The following ZNF12 variants were observed in gnomAD, a reference collection of about 807,000 sequenced individuals.
The protein encoded by ZNF12 is gonadotropin inducible transcription repressor 3.
Under a neutral mutation model 66.6 loss-of-function variants are expected in ZNF12, and 34 were observed. That is an observed-to-expected ratio of 0.51 (90% CI 0.39 to 0.68). The LOEUF (loss-of-function observed/expected upper bound fraction) is 0.68. Ranked by LOEUF, ZNF12 falls within the 30% of genes least tolerant of loss-of-function variation. ZNF12 has a pLI of 0.00. For missense variants in ZNF12, 697 were observed against 826.9 expected (o/e 0.84, Z 1.93); for synonymous variants, 320 against 278.9 (o/e 1.15, Z -1.47).
chr7:6,691,607 G>T lies in ZNF12; in HGVS notation c.1335C>A (p.Phe445Leu), dbSNP rs1194195300. The stretch of plus-strand genomic sequence containing the variant: ...CAGTGAGATATGACAACCGAGAGAA[G>T]AATTTTCCACACTCATTACATTCAT... ...KPYECNECGKFFSRLSYLTVH... is the reference protein window; with the variant it reads ...KPYECNECGKLFSRLSYLTVH... Residue 445 changes from phenylalanine (F) to leucine (L), a missense_variant, in exon 5 of 5, where the codon TTC becomes TTA. Around this residue, in one of 3 missense-constraint regions of ZNF12, gnomAD observed 401 missense variants for 519.0 expected, o/e 0.77. Transcript: ENST00000405858. The T allele has an allele frequency of 1.9e-6, 3 of 1,613,898 alleles. No homozygotes were observed. Among genetic ancestry groups the T allele is most frequent in the East Asian group, 2.2e-5 (1 of 44,896 alleles).
chr7:6,705,269 T>C lies in ZNF12; in HGVS notation c.-50-46A>G, dbSNP rs747510151. ...CCATGGCGTTATGAGCGGTCTGGCC[T>C]GCCAAGGCGGTCATCTCCCGCCCAA... On this transcript the variant is annotated intron_variant, in intron 1 of 4. Transcript: ENST00000405858. This position sits in a 1 kb window ranked among gnomAD's most constrained non-coding sequence, Gnocchi z 4.0. 1.3e-6 allele frequency: 2 copies of C among 1,508,644 alleles called. No homozygotes were observed. Among genetic ancestry groups the C allele is most frequent in the African/African-American group, 2.8e-5 (2 of 72,670 alleles). 93.5% of individuals were successfully genotyped at this position (1,508,644 alleles called of 1,614,324 possible).
chr7:6,703,566 G>A (rs909215894), intron 2 of ZNF12, among the ~76,000 whole-genome samples: 2 of 152,162 alleles, frequency 1.3e-5, no homozygotes, highest in Admixed American at 6.5e-5. Context: ...GAAGGCATAG[G>A]TGGGGGGGCT....
chr7:6,704,740 C>CAAAAAAAAAAAAAAA (rs949897713), intron 2 of ZNF12, among the ~76,000 whole-genome samples: 2 of 32,252 alleles, frequency 6.2e-5, no homozygotes, highest in Admixed American at 6.0e-4. Flanking sequence ...TACTTGGTCT[C>CAAAAAAAAAAAAAAA]AAAAAAAAAA....
At position 6,705,142 on chromosome 7, in the gene ZNF12, T is replaced by C. The variant is rs756199171; in HGVS notation, c.15+17A>G. On this transcript the variant is annotated intron_variant, in intron 2 of 4. Transcript: ENST00000405858. This position sits in a 1 kb window ranked among gnomAD's most constrained non-coding sequence, Gnocchi z 4.0. The stretch of plus-strand genomic sequence containing the variant: ...TAAATCAGAGTAGAGAATAAATACA[T>C]GAACAGAAACACTCACCAGGGATTT... 8.1e-6 allele frequency: 13 copies of C among 1,613,256 alleles called. No homozygotes were observed. In the East Asian group the frequency reaches 1.6e-4, roughly 19 times the overall value.
intron 2 of ZNF12, among the ~76,000 whole-genome samples, chr7:6,702,126 C>G (rs2115354704): frequency 6.6e-6 from 1 of 152,194 alleles, no homozygotes; most frequent in South Asian, 2.1e-4. Flanking sequence ...TTGGGCTGGA[C>G]TCTTAACAGC....
Position 6,705,056 on chromosome 7 carries a change from T to C in ZNF12, c.15+103A>G. 1 of 1,366,434 alleles carries C rather than the reference T, an allele frequency of 7.3e-7. No homozygotes were observed. Among genetic ancestry groups the C allele is most frequent in the Non-Finnish European group, 9.9e-7 (1 of 1,006,544 alleles). 84.6% of individuals were successfully genotyped at this position (1,366,434 alleles called of 1,614,324 possible). A position where few individuals can be genotyped will look rare whatever the true frequency, so the allele number is the denominator to read the frequency against. ...TACTGTTCTGTCTGACCAAATCTTG[T>C]ATCTATTTCTACTTTCCCATTTTAA... On this transcript the variant is annotated intron_variant, in intron 2 of 4. Transcript: ENST00000405858. The surrounding 1 kb of genome is among the most constrained non-coding windows in gnomAD (Gnocchi z 4.0).
At chr7:6,703,482 C>T (rs1780291600) in intron 2 of ZNF12, among the ~76,000 whole-genome samples, 1 of 152,094 alleles carries the variant, frequency 6.6e-6, no homozygotes, top group African/African-American at 2.4e-5. Flanking sequence ...AAATGGACAA[C>T]TTTAGAAAGA....
chr7:6,689,126 T>C lies in ZNF12; in HGVS notation c.*1722A>G, dbSNP rs761719042. On this transcript the variant is annotated 3_prime_UTR_variant, in exon 5 of 5. Transcript: ENST00000405858. ...TTAGAATGTCTTCAGTTATTAGTAA[T>C]AGAGCATCCTAAATCAACTGGCTTA... is the stretch of plus-strand genomic sequence containing the variant. 3.9e-5 allele frequency: 6 copies of C among 152,268 alleles called. No individual in the cohort carries two copies. Among genetic ancestry groups the C allele is most frequent in the Non-Finnish European group, 7.3e-5 (5 of 68,044 alleles). The allele number at this position is 152,268 out of a possible 1,614,324, so 9.4% of individuals were successfully genotyped here.
rs1044386300 is a variant in ZNF12, at chr7:6,689,849, A to G, written c.*999T>C. 1 of 152,696 alleles carries G rather than the reference A, an allele frequency of 6.5e-6. No homozygotes were observed. Among genetic ancestry groups the G allele is most frequent in the East Asian group, 1.9e-4 (1 of 5,204 alleles). The allele number at this position is 152,696 out of a possible 1,614,324, so 9.5% of individuals were successfully genotyped here. A position where few individuals can be genotyped will look rare whatever the true frequency, so the allele number is the denominator to read the frequency against. On this transcript the variant is annotated 3_prime_UTR_variant, in exon 5 of 5. Transcript: ENST00000405858. ...AACACAGTGAATTCCTATGTTACAC[A>G]GCATTGTGCTCTGCACTGTTATGTA...
Position 6,697,541 on chromosome 7 carries a change from A to G in ZNF12, c.143-107T>C. 6.6e-7 allele frequency: 1 copy of G among 1,522,106 alleles called. No individual in the cohort carries two copies. Among genetic ancestry groups the G allele is most frequent in the Non-Finnish European group, 9.0e-7 (1 of 1,112,292 alleles). 94.3% of individuals were successfully genotyped at this position (1,522,106 alleles called of 1,614,324 possible). A position where few individuals can be genotyped will look rare whatever the true frequency, so the allele number is the denominator to read the frequency against. On this transcript the variant is annotated intron_variant, in intron 3 of 4. Transcript: ENST00000405858. This position sits in a 1 kb window ranked among gnomAD's most constrained non-coding sequence, Gnocchi z 6.1. The stretch of plus-strand genomic sequence containing the variant: ...TGTCTTATCAAAATCAGAACTTTTC[A>G]CGGGGGAGATCAAGACCAAAATGCC...
chr7:6,706,935 A>T lies in ZNF12; in HGVS notation c.-554T>A, dbSNP rs1780370699. The T allele has an allele frequency of 4.9e-6, 2 of 408,752 alleles. No individual in the cohort carries two copies. Among genetic ancestry groups the T allele is most frequent in the Non-Finnish European group, 9.7e-6 (2 of 206,218 alleles). 25.3% of individuals were successfully genotyped at this position (408,752 alleles called of 1,614,324 possible). On this transcript the variant is annotated 5_prime_UTR_variant, in exon 1 of 5. Transcript: ENST00000405858. ...GAGCGGTGACCTGGGGACGCACAGG[A>T]AGCGAGGGCACTGCGGCCGCGGCGC... is the stretch of plus-strand genomic sequence containing the variant.
Position 6,692,039 on chromosome 7 carries a change from C to A in ZNF12, c.903G>T (p.Gln301His). The change falls in exon 5 of 5, where the codon CAG becomes CAT. Residue 301 changes from glutamine to histidine, a missense_variant. Gln to His is a conservative substitution (Grantham distance 24). This residue lies in a region of ZNF12 where 401 missense variants were observed against 519.0 expected (regional missense o/e 0.77). Coordinates refer to ENST00000405858, the MANE Select transcript of ZNF12 (RefSeq NM_016265.4). This position sits in a 1 kb window ranked among gnomAD's most constrained non-coding sequence, Gnocchi z 5.1. ...HTGEKPYECN[Q>H]CGKSFCQKGT... is the part of the protein sequence containing the mutation. ...CCTTCTGGCAGAAGGATTTCCCACA[C>A]TGATTACATTCGTAAGGTTTCTCTC... The A allele has an allele frequency of 1.2e-6, 2 of 1,612,350 alleles. No individual in the cohort carries two copies. The highest frequency in any genetic ancestry group is 1.7e-6 in the Non-Finnish European group (2 of 1,179,210).
chr7:6,701,744 ACTGTTTGCATCT>A (rs1780245995), intron 2 of ZNF12, among the ~76,000 whole-genome samples: 1 of 152,026 alleles, frequency 6.6e-6, no homozygotes, highest in South Asian at 2.1e-4. Context: ...GACACCTCCA[ACTGTTTGCATCT>A]CTGTCCCCTC....
rs6974325 is a variant in ZNF12 at position 6,698,852 on chromosome 7, G to A, written c.16-1041C>T. 0.13 allele frequency among the ~76,000 whole-genome samples: 20,371 copies of A among 152,138 alleles called. 2,342 individuals are homozygous for A. Among genetic ancestry groups the A allele is most frequent in the African/African-American group, 0.29 (12,185 of 41,448 alleles). On this transcript the variant is annotated intron_variant, in intron 2 of 4. Coordinates refer to ENST00000405858, the MANE Select transcript of ZNF12 (RefSeq NM_016265.4). This position sits in a 1 kb window ranked among gnomAD's most constrained non-coding sequence, Gnocchi z 4.4. ...AGTACTCACACTAGCCATTATAACT[G>A]TTTCCTTTAATATCATCCCCTCTAA...
rs181280746 is a variant in ZNF12 at position 6,692,251 on chromosome 7, C to G, written c.691G>C (p.Val231Leu). Residue 231 changes from valine to leucine, a missense_variant, in exon 5 of 5, where the codon GTT becomes CTT. Coordinates refer to ENST00000405858, the MANE Select transcript of ZNF12 (RefSeq NM_016265.4). The surrounding 1 kb of genome is among the most constrained non-coding windows in gnomAD (Gnocchi z 5.1). ...TTTTCTTCCATGTGATTAACAAAAACAGTGTCCTTTTGGAAGGCTTTCTGG... is the reference window on the plus strand; with the variant it reads ...TTTTCTTCCATGTGATTAACAAAAAGAGTGTCCTTTTGGAAGGCTTTCTGG... ...ECQKAFQKDT[V>L]FVNHMEEKPY... 6.2e-6 allele frequency: 10 copies of G among 1,613,812 alleles called. No individual in the cohort carries two copies. In the African/African-American group the frequency reaches 1.1e-4, roughly 17 times the overall value.
rs187618669 is a variant in ZNF12, at chr7:6,694,946, C to T, written c.239-2243G>A. 1.5e-3 allele frequency among the ~76,000 whole-genome samples: 227 copies of T among 152,068 alleles called. 1 individual carries two copies. Among genetic ancestry groups the T allele is most frequent in the African/African-American group, 5.1e-3 (212 of 41,484 alleles). On this transcript the variant is annotated intron_variant, in intron 4 of 4. Coordinates refer to ENST00000405858, the MANE Select transcript of ZNF12 (RefSeq NM_016265.4). ...AGCGCTGTTCTCTTTTTTTTTGAGA[C>T]GGAGTCTTGCTCTGTCACCCAGGCT... is the stretch of plus-strand genomic sequence containing the variant.
At chr7:6,702,486 C>CCACATACACACACACACACA (rs774190186) in intron 2 of ZNF12, among the ~76,000 whole-genome samples, 1 of 42,748 alleles carries the variant, frequency 2.3e-5, no homozygotes, top group African/African-American at 1.4e-4. Flanking sequence ...CTCCCAAACT[C>CCACATACACACACACACACA]CACACACACA....
chr7:6,697,268 G>T lies in ZNF12; in HGVS notation c.238+71C>A. 8.3e-7 allele frequency: 1 copy of T among 1,197,636 alleles called. No individual in the cohort carries two copies. The highest frequency in any genetic ancestry group is 1.2e-6 in the Non-Finnish European group (1 of 832,026). 74.2% of individuals were successfully genotyped at this position (1,197,636 alleles called of 1,614,324 possible). ...TATTTCTAGTCACTTCTAAAGGTTC[G>T]GGACCATTAAAAAATCCCTGGGAAA... On this transcript the variant is annotated intron_variant, in intron 4 of 4. Transcript: ENST00000405858. The surrounding 1 kb of genome is among the most constrained non-coding windows in gnomAD (Gnocchi z 6.1).
In ZNF12 at chr7:6,696,658, T is replaced by A. The variant is rs1338517312; in HGVS notation, c.238+681A>T. 1.3e-5 allele frequency among the ~76,000 whole-genome samples: 2 copies of A among 152,204 alleles called. No individual in the cohort carries two copies. Among genetic ancestry groups the A allele is most frequent in the Non-Finnish European group, 2.9e-5 (2 of 68,046 alleles). On this transcript the variant is annotated intron_variant, in intron 4 of 4. Coordinates refer to ENST00000405858, the MANE Select transcript of ZNF12 (RefSeq NM_016265.4). This position sits in a 1 kb window ranked among gnomAD's most constrained non-coding sequence, Gnocchi z 4.0. ...ATAAACCAGACTTCATTTGCGTATA[T>A]GATACTTACTAAGCACCTGCCATGA...
Sources: gnomAD v4.1 joint callset for allele counts (sites outside exome capture counted in the v4.1 genomes callset) on GRCh38, gnomAD v4.1.1 for gene constraint, gnomAD v4.1.1 regional missense constraint, Gnocchi (gnomAD v3.1) non-coding constraint, MANE v1.5 for transcripts, NCBI Gene and HGNC (gene_info 2026-07-23, HGNC 2026-07-21) for gene names.